The following SGMS1 variants were observed in gnomAD, a reference collection of about 807,000 sequenced individuals.
SGMS1 encodes the protein sphingomyelin synthase 1, also known as phosphatidylcholine:ceramide cholinephosphotransferase 1.
SGMS1 carries 13 observed loss-of-function variants against 46.2 expected under a neutral mutation model. The observed-to-expected ratio is 0.28, with a 90% CI of 0.18 to 0.45. SGMS1 has a LOEUF of 0.45. Among genes scored for constraint, SGMS1 ranks in the 20% least tolerant of loss-of-function variants. The probability of loss-of-function intolerance (pLI) is 1.00; values close to 1 mark genes in which losing one functional copy is unlikely to be tolerated. For synonymous variants in SGMS1, 203 were observed against 187.8 expected (o/e 1.08, Z -0.66); for missense variants, 324 against 519.9 (o/e 0.62, Z 3.66).
chr10:50,478,826 T>C (rs1588847165), intron 3 of SGMS1, among the ~76,000 whole-genome samples: 1 of 152,248 alleles, frequency 6.6e-6, no homozygotes, highest in South Asian at 2.1e-4. Context: ...CATTTCAAGC[T>C]TCACACAAAT....
chr10:50,384,139 C>A (rs1265694810), intron 6 of SGMS1, among the ~76,000 whole-genome samples: 1 of 152,064 alleles, frequency 6.6e-6, no homozygotes, highest in Non-Finnish European at 1.5e-5. Context: ...ATTGTTTATA[C>A]GCCACCCAGT....
chr10:50,585,318 T>A (rs1204268486), intron 2 of SGMS1, among the ~76,000 whole-genome samples: 1 of 152,232 alleles, frequency 6.6e-6, no homozygotes, highest in African/African-American at 2.4e-5. Flanking sequence ...TCTCCAGACA[T>A]GGCTACCTTC....
At chr10:50,368,675 C>A (rs1039105752) in intron 6 of SGMS1, among the ~76,000 whole-genome samples, 2 of 152,222 alleles carry the variant, frequency 1.3e-5, no homozygotes, top group African/African-American at 2.4e-5. Context: ...TTTTAATGAG[C>A]TTTCTTCTCT....
At chr10:50,403,045 A>G (rs540168529) in intron 6 of SGMS1, among the ~76,000 whole-genome samples, 45 of 152,320 alleles carry the variant, frequency 3.0e-4, no homozygotes, top group African/African-American at 1.1e-3. Flanking sequence ...AGTTGCTGCC[A>G]AAGACATTAT....
At chr10:50,308,259 GA>G (rs1847205212) in intron 9 of SGMS1, 111 bp from the exon 10 acceptor site, 9 of 942,072 alleles carry the variant, frequency 9.6e-6, no homozygotes, top group Non-Finnish European at 1.4e-5. Flanking sequence ...CTTCCCTTCT[GA>G]AAACAGATCT....
intron 8 of SGMS1, among the ~76,000 whole-genome samples, chr10:50,323,969 C>G (rs935415754): frequency 6.6e-6 from 1 of 152,198 alleles, no homozygotes; most frequent in South Asian, 2.1e-4. Flanking sequence ...CTACCTTCCT[C>G]ATGCCTCATA....
At chr10:50,446,608 A>T (rs776399022) in intron 5 of SGMS1, among the ~76,000 whole-genome samples, 7 of 152,206 alleles carry the variant, frequency 4.6e-5, no homozygotes, top group Non-Finnish European at 8.8e-5. Context: ...TAAGAGTATG[A>T]ATCTATAAAA....
intron 2 of SGMS1, among the ~76,000 whole-genome samples, chr10:50,561,368 A>C (rs1838234947): frequency 6.6e-6 from 1 of 152,220 alleles, no homozygotes; most frequent in Non-Finnish European, 1.5e-5. Context: ...CAACTGGCAG[A>C]GCATGAATGT....
At chr10:50,423,938 T>C (rs528198540) in intron 6 of SGMS1, among the ~76,000 whole-genome samples, 26 of 152,218 alleles carry the variant, frequency 1.7e-4, no homozygotes, top group South Asian at 2.1e-4. Flanking sequence ...GACAGCAGCT[T>C]TCATTTCATA....
At chr10:50,606,737 T>C (rs921170027) in intron 1 of SGMS1, among the ~76,000 whole-genome samples, 1 of 152,200 alleles carries the variant, frequency 6.6e-6, no homozygotes, top group Non-Finnish European at 1.5e-5. Flanking sequence ...TGCATCACCG[T>C]GTAAGTAAAC....
chr10:50,323,921 A>G (rs1463954317), intron 8 of SGMS1, among the ~76,000 whole-genome samples: 1 of 152,224 alleles, frequency 6.6e-6, no homozygotes, highest in Non-Finnish European at 1.5e-5. Flanking sequence ...TTAAACTAAC[A>G]GATTTTAAGG....
At chr10:50,413,993 A>AT (rs1272426184) in intron 6 of SGMS1, among the ~76,000 whole-genome samples, 29 of 152,056 alleles carry the variant, frequency 1.9e-4, no homozygotes, top group Admixed American at 1.9e-3. Context: ...TAATTTTTTA[A>AT]TTTTTTTTCT....
intron 6 of SGMS1, among the ~76,000 whole-genome samples, chr10:50,380,065 A>G (rs1848579185): frequency 6.6e-6 from 1 of 152,172 alleles, no homozygotes; most frequent in South Asian, 2.1e-4. Flanking sequence ...AAAATGGGAC[A>G]GGCTGAAATA....
chr10:50,379,456 A>ATG (rs1564895400), intron 6 of SGMS1, among the ~76,000 whole-genome samples: 3 of 144,950 alleles, frequency 2.1e-5, no homozygotes, highest in East Asian at 4.0e-4. Context: ...ATATATATAT[A>ATG]TGTGCACGTG....
upstream of SGMS1, chr10:50,624,232 CA>C: frequency 1.8e-6 from 1 of 545,360 alleles, no homozygotes; most frequent in Non-Finnish European, 2.3e-6. Flanking sequence ...CCAGATTTTA[CA>C]ATCTGGGACG....
chr10:50,471,758 T>C (rs1401949428), intron 3 of SGMS1, among the ~76,000 whole-genome samples: 1 of 152,182 alleles, frequency 6.6e-6, no homozygotes, highest in Non-Finnish European at 1.5e-5. Context: ...TCACAGGACT[T>C]GTTATCAAGG....
intron 8 of SGMS1, among the ~76,000 whole-genome samples, chr10:50,316,316 T>C (rs922613985): frequency 2.0e-5 from 3 of 152,220 alleles, no homozygotes; most frequent in African/African-American, 7.2e-5. Flanking sequence ...AAAATAAGCA[T>C]TGACAATCGC....
intron 2 of SGMS1, among the ~76,000 whole-genome samples, chr10:50,571,556 T>C (rs966958087): frequency 2.6e-5 from 4 of 152,122 alleles, no homozygotes; most frequent in African/African-American, 9.7e-5. Flanking sequence ...TATTTGAGTA[T>C]ACTTACAGAA....
intron 2 of SGMS1, among the ~76,000 whole-genome samples, chr10:50,527,527 C>G (rs1318995654): frequency 6.6e-6 from 1 of 152,144 alleles, no homozygotes; most frequent in Non-Finnish European, 1.5e-5. Flanking sequence ...TCCTGGCTAT[C>G]TAGTTTCAGA....
Sources: allele counts gnomAD v4.1 joint callset (sites outside exome capture counted in the v4.1 genomes callset), GRCh38; gene constraint gnomAD v4.1.1; transcripts MANE v1.5; gene names NCBI Gene and HGNC (gene_info 2026-07-23, HGNC 2026-07-21).